Variants in ADGRE2 observed in about 807,000 individuals in gnomAD.
ADGRE2 encodes CD97 antigen.
Under a neutral mutation model 100.8 loss-of-function variants are expected in ADGRE2, and 83 were observed. The observed-to-expected ratio is 0.82, with a 90% CI of 0.69 to 0.99. The LOEUF (loss-of-function observed/expected upper bound fraction) is 0.99, where lower values mean the gene tolerates loss of function less well. Among genes scored for constraint, ADGRE2 ranks in the 50% least tolerant of loss-of-function variants. The pLI is 0.00. For missense variants in ADGRE2, 814 were observed against 1,035.7 expected, an observed-to-expected ratio of 0.79 and a Z score of 2.94; for synonymous variants, 355 against 413.0, an observed-to-expected ratio of 0.86 and a Z score of 1.70.
At chr19:14,729,013 G>A (rs2732801), downstream of ADGRE2, among the ~76,000 whole-genome samples, 58,346 of 152,004 alleles carry the variant, frequency 0.38, 11,573 homozygotes, top group Middle Eastern at 0.5. Flanking sequence ...ATGGTGGGAC[G>A]TGCAGTTTTG....
rs59965494 is a variant in ADGRE2, at chr19:14,773,308, TCCTC to T, written c.199+626_199+629del. Among the ~76,000 whole-genome samples, 957 of 145,640 alleles carry T rather than the reference TCCTC, an allele frequency of 6.6e-3. 3 individuals are homozygous for T. Among genetic ancestry groups the T allele is most frequent in the African/African-American group, 0.022 (854 of 39,106 alleles). ...TTCCTCCCTTCCTTCCTTCCTTCTT[TCCTC>T]CCTCCCTCCCTCCCTCCTTTCCTTT... On this transcript the variant is annotated intron_variant, in intron 4 of 20. Transcript: ENST00000315576.
chr19:14,750,414 T>TAGA (rs1441773226), intron 16 of ADGRE2, among the ~76,000 whole-genome samples: 6 of 152,044 alleles, frequency 3.9e-5, no homozygotes, highest in African/African-American at 1.4e-4. Flanking sequence ...AAGAATTTCT[T>TAGA]TAACCTGAAA....
chr19:14,747,794 G>A (rs1022224738), intron 16 of ADGRE2, among the ~76,000 whole-genome samples: 2 of 152,188 alleles, frequency 1.3e-5, no homozygotes, highest in African/African-American at 4.8e-5. Flanking sequence ...CAGCCTGGGT[G>A]ACAGAGTGTT....
rs2044506958 is a variant in ADGRE2, at chr19:14,778,550, C to T, written c.-465G>A. On this transcript the variant is annotated 5_prime_UTR_variant, in exon 1 of 21. Transcript: ENST00000315576. Reference sequence around the variant, plus strand: ...CACAGAGCAGACCCCCCGGATCTTTCTGGTCTTTCTAAGCCAGTTTCCTCC... The same window carrying T: ...CACAGAGCAGACCCCCCGGATCTTTTTGGTCTTTCTAAGCCAGTTTCCTCC... 2 of 606,000 alleles carry T rather than the reference C, an allele frequency of 3.3e-6. No individual in the cohort carries two copies. The highest frequency in any genetic ancestry group is 4.1e-6 in the Non-Finnish European group (2 of 482,648). The allele number at this position is 606,000 out of a possible 1,614,324, so 37.5% of individuals were successfully genotyped here.
In ADGRE2 at chr19:14,743,733, C is replaced by G; in HGVS notation, c.2235G>C (p.Trp745Cys). 6.2e-7 allele frequency: 1 copy of G among 1,614,166 alleles called. No homozygotes were observed. The highest frequency in any genetic ancestry group is 8.5e-7 in the Non-Finnish European group (1 of 1,180,014). Reference sequence around the variant, plus strand: ...GACCCACCTGCAAGATGCCCAGACACCACGTGCAGCCCAGGATGAACAGCT... The same window carrying G: ...GACCCACCTGCAAGATGCCCAGACAGCACGTGCAGCCCAGGATGAACAGCT... ...TAQLFILGCT[W>C]CLGILQVGPA... The change falls in exon 19 of 21, where the codon TGG becomes TGC. Residue 745 changes from tryptophan (W) to cysteine (C), a missense_variant. By Grantham distance (215) the Trp-to-Cys change is radical. Around this residue, in one of 5 missense-constraint regions of ADGRE2, gnomAD observed 569 missense variants for 692.7 expected, o/e 0.82. Coordinates refer to ENST00000315576, the MANE Select transcript of ADGRE2 (RefSeq NM_013447.4).
Position 14,778,453 on chromosome 19 carries a change from C to T in ADGRE2, c.-368G>A. 2.2e-6 allele frequency: 2 copies of T among 916,692 alleles called. No individual in the cohort carries two copies. The highest frequency in any genetic ancestry group is 2.6e-6 in the Non-Finnish European group (2 of 767,106). The allele number at this position is 916,692 out of a possible 1,614,324, so 56.8% of individuals were successfully genotyped here. A position where few individuals can be genotyped will look rare whatever the true frequency, so the allele number is the denominator to read the frequency against. On this transcript the variant is annotated 5_prime_UTR_variant, in exon 1 of 21. In the 5' UTR this introduces an upstream ATG that the reference lacks. Transcript: ENST00000315576. ...GAAAACTGAGGCATTACAGTGTCCACATAAAAGCCCAGGGAGGGAGAAGGG... is the reference window on the plus strand; with the variant it reads ...GAAAACTGAGGCATTACAGTGTCCATATAAAAGCCCAGGGAGGGAGAAGGG...
chr19:14,735,398 G>GT lies in ADGRE2; in HGVS notation c.*837dup. 6.6e-6 allele frequency: 1 copy of GT among 152,212 alleles called. No homozygotes were observed. Among genetic ancestry groups the GT allele is most frequent in the East Asian group, 1.9e-4 (1 of 5,184 alleles). 9.4% of individuals were successfully genotyped at this position (152,212 alleles called of 1,614,324 possible). A position where few individuals can be genotyped will look rare whatever the true frequency, so the allele number is the denominator to read the frequency against. On this transcript the variant is annotated 3_prime_UTR_variant, in exon 21 of 21. Coordinates refer to ENST00000315576, the MANE Select transcript of ADGRE2 (RefSeq NM_013447.4). ...GAACTGTGCCATACCCATCTTCGAGGTTTTATGGTCATGTAGAATTTCTGT... is the reference window on the plus strand; with the variant it reads ...GAACTGTGCCATACCCATCTTCGAGGTTTTTATGGTCATGTAGAATTTCTGT...
intron 11 of ADGRE2, among the ~76,000 whole-genome samples, chr19:14,762,381 G>T (rs2147359287): frequency 6.6e-6 from 1 of 152,244 alleles, no homozygotes; most frequent in South Asian, 2.1e-4. Context: ...AAAGGAGCTA[G>T]ACTAGATGGT....
At chr19:14,760,907 G>A (rs558963485) in intron 11 of ADGRE2, among the ~76,000 whole-genome samples, 1 of 152,236 alleles carries the variant, frequency 6.6e-6, no homozygotes, top group African/African-American at 2.4e-5. Context: ...AGCCTTTACA[G>A]CCCCTTATCG....
chr19:14,766,949 G>C (rs561891161), intron 6 of ADGRE2, 29 bp downstream of exon 6: 1 of 1,556,644 alleles, frequency 6.4e-7, no homozygotes, highest in Non-Finnish European at 8.7e-7. Flanking sequence ...CTCCCGTCCA[G>C]CCTCACAGCG....
chr19:14,733,236 G>C lies in ADGRE2; in HGVS notation c.*3000C>G, dbSNP rs1321906991. 2.0e-5 allele frequency: 3 copies of C among 152,182 alleles called. No homozygotes were observed. Among genetic ancestry groups the C allele is most frequent in the African/African-American group, 2.4e-5 (1 of 41,442 alleles). 9.4% of individuals were successfully genotyped at this position (152,182 alleles called of 1,614,324 possible). A position where few individuals can be genotyped will look rare whatever the true frequency, so the allele number is the denominator to read the frequency against. On this transcript the variant is annotated 3_prime_UTR_variant, in exon 21 of 21. Coordinates refer to ENST00000315576, the MANE Select transcript of ADGRE2 (RefSeq NM_013447.4). ...GAGGGTACTGACTGGCAGAGCAGGA[G>C]CCCCGTTATTTTGGACAAACACCGC...
In ADGRE2 at chr19:14,732,579, T is replaced by TCC. The variant is rs2042681946; in HGVS notation, c.*3656_*3657insGG. The stretch of plus-strand genomic sequence containing the variant: ...TGGTCTGGAAACTATGGGCAGTGAG[T>TCC]CAAATCTGACCCACCATCTGTTTCT... On this transcript the variant is annotated 3_prime_UTR_variant, in exon 21 of 21. Transcript: ENST00000315576. The TCC allele has an allele frequency of 6.6e-6, 1 of 152,124 alleles. No individual in the cohort carries two copies. The allele number at this position is 152,124 out of a possible 1,614,324, so 9.4% of individuals were successfully genotyped here.
rs1175446647 is a variant in ADGRE2 at position 14,733,204 on chromosome 19, G to C, written c.*3032C>G. On this transcript the variant is annotated 3_prime_UTR_variant, in exon 21 of 21. Transcript: ENST00000315576. ...TAGGCATGGAGGTTGAGGATCAGGA[G>C]TGACTTGAGGGTACTGACTGGCAGA... 6.6e-6 allele frequency: 1 copy of C among 152,228 alleles called. No individual in the cohort carries two copies. Among genetic ancestry groups the C allele is most frequent in the Admixed American group, 6.5e-5 (1 of 15,282 alleles). 9.4% of individuals were successfully genotyped at this position (152,228 alleles called of 1,614,324 possible).
Position 14,747,013 on chromosome 19 carries a change from C to T in ADGRE2, c.2025-51G>A, listed in dbSNP as rs749260103. 3.4e-6 allele frequency: 5 copies of T among 1,462,154 alleles called. No homozygotes were observed. In the East Asian group the frequency reaches 1.2e-4, roughly 34 times the overall value. 90.6% of individuals were successfully genotyped at this position (1,462,154 alleles called of 1,614,324 possible). A position where few individuals can be genotyped will look rare whatever the true frequency, so the allele number is the denominator to read the frequency against. ...TGCATCAGTTTTTGGAGATATGGAA[C>T]AGTTATGTAAATCTATTCCATCCCT... On this transcript the variant is annotated intron_variant, in intron 16 of 20. Coordinates refer to ENST00000315576, the MANE Select transcript of ADGRE2 (RefSeq NM_013447.4).
intron 2 of ADGRE2, chr19:14,776,391 T>G: frequency 8.6e-6 from 2 of 233,560 alleles, no homozygotes; most frequent in Non-Finnish European, 8.2e-6. Flanking sequence ...GGCTCTGGGG[T>G]CCTAGCACTC....
intron 5 of ADGRE2, among the ~76,000 whole-genome samples, chr19:14,770,652 T>TTTTG (rs2044162190): frequency 4.8e-5 from 7 of 144,888 alleles, no homozygotes; most frequent in Admixed American, 4.3e-4. Context: ...CTCTTTTTCT[T>TTTTG]TTTGTTTCTT....
At chr19:14,759,510 T>TCA (rs2043633656) in intron 11 of ADGRE2, among the ~76,000 whole-genome samples, 1 of 148,960 alleles carries the variant, frequency 6.7e-6, no homozygotes, top group East Asian at 1.9e-4. Context: ...TATATTTTTT[T>TCA]TTTTTAGACG....
At chr19:14,754,885 G>A (rs1279198522) in intron 14 of ADGRE2, 69 bp downstream of exon 14, 1 of 1,546,286 alleles carries the variant, frequency 6.5e-7, no homozygotes, top group East Asian at 2.3e-5. Flanking sequence ...TTTTTAAAAG[G>A]CTGCTACGTC....
intron 1 of ADGRE2, among the ~76,000 whole-genome samples, chr19:14,777,943 C>T (rs763777926): frequency 1.3e-5 from 2 of 151,976 alleles, no homozygotes; most frequent in African/African-American, 2.4e-5. Flanking sequence ...TGAATAGTAC[C>T]GCAATAAACA....
Sources: gnomAD v4.1 joint callset for allele counts (sites outside exome capture counted in the v4.1 genomes callset) on GRCh38, gnomAD v4.1.1 for gene constraint, gnomAD v4.1.1 regional missense constraint, MANE v1.5 for transcripts, NCBI Gene and HGNC (gene_info 2026-07-23, HGNC 2026-07-21) for gene names.